B4GALT5: variants seen among roughly 807,000 people sequenced by gnomAD.
The protein encoded by B4GALT5 is beta-1,4-galactosyltransferase 5, also known as UDP-Gal:beta-GlcNAc beta-1,4-galactosyltransferase 5.
Under a neutral mutation model 45.0 loss-of-function variants are expected in B4GALT5, and 11 were observed. The observed-to-expected ratio is 0.24, with a 90% CI of 0.15 to 0.40. B4GALT5 has a LOEUF of 0.40. B4GALT5 is among the 10% of genes least tolerant of loss of function. The pLI, the probability that B4GALT5 is intolerant of heterozygous loss-of-function variation, is 1.00. For missense variants in B4GALT5, 337 were observed against 500.2 expected, an observed-to-expected ratio of 0.67 and a Z score of 3.11; for synonymous variants, 185 against 182.9, an observed-to-expected ratio of 1.01 and a Z score of -0.09.
chr20:49,698,255 GGA>G (rs778765744), intron 1 of B4GALT5, among the ~76,000 whole-genome samples: 26 of 152,070 alleles, frequency 1.7e-4, no homozygotes, highest in Non-Finnish European at 3.2e-4. Context: ...CCTGGAAAGT[GGA>G]GGTTGCAGTG....
chr20:49,664,746 A>T (rs1245690554), intron 1 of B4GALT5, among the ~76,000 whole-genome samples: 1 of 152,122 alleles, frequency 6.6e-6, no homozygotes, highest in African/African-American at 2.4e-5. Context: ...TTCTCAGGAG[A>T]TGTATATTGA....
chr20:49,686,044 T>TA (rs1418649924), intron 1 of B4GALT5, among the ~76,000 whole-genome samples: 3 of 152,134 alleles, frequency 2.0e-5, no homozygotes, highest in African/African-American at 4.8e-5. Context: ...GGGAGTACTA[T>TA]AAAAAAGCCA....
Position 49,647,064 on chromosome 20 carries a change from A to T in B4GALT5, c.265T>A (p.Leu89Met), listed in dbSNP as rs371066498. 3 of 1,613,124 alleles carry T rather than the reference A, an allele frequency of 1.9e-6. No individual in the cohort carries two copies. Among genetic ancestry groups the T allele is most frequent in the Non-Finnish European group, 2.5e-6 (3 of 1,179,218 alleles). ...TGCAGGAAGGTTTCACTGTGGTTCA[A>T]GTCAAGAGGATAATCTAGGGAGGTA... is the stretch of plus-strand genomic sequence containing the variant. ...SVNDSDYPLD[L>M]NHSETFLQTT... Residue 89 changes from leucine to methionine, a missense_variant, in exon 3 of 9, where the codon TTG becomes ATG. This residue lies in a region of B4GALT5 where 174 missense variants were observed against 207.4 expected (regional missense o/e 0.84). Transcript: ENST00000371711.
Position 49,685,476 on chromosome 20 carries a change from A to C in B4GALT5, c.115+28100T>G, listed in dbSNP as rs573086570. 2.8e-3 allele frequency among the ~76,000 whole-genome samples: 429 copies of C among 152,302 alleles called. 1 individual carries two copies. Among genetic ancestry groups the C allele is most frequent in the Non-Finnish European group, 4.6e-3 (316 of 68,012 alleles). ...GCAGGGGTAGCAACTGCTGAGCCTC[A>C]AAAGTCAGCCTCTGAGTAGCCACCC... On this transcript the variant is annotated intron_variant, in intron 1 of 8. Transcript: ENST00000371711.
Position 49,713,562 on chromosome 20 carries a change from A to C in B4GALT5, c.115+14T>G, listed in dbSNP as rs775735643. ...CAGAGCGGCAGCCGCCGCGGTCCCA[A>C]GCCCCCTTCCTACCTATGCCGGGCG... On this transcript the variant is annotated intron_variant, in intron 1 of 8. Transcript: ENST00000371711. 1 of 1,560,416 alleles carries C rather than the reference A, an allele frequency of 6.4e-7. No homozygotes were observed. The highest frequency in any genetic ancestry group is 1.2e-5 in the South Asian group (1 of 85,342).
chr20:49,703,030 C>T (rs1262089975), intron 1 of B4GALT5, among the ~76,000 whole-genome samples: 2 of 151,516 alleles, frequency 1.3e-5, no homozygotes, highest in African/African-American at 4.9e-5. Flanking sequence ...AAAAATTAGC[C>T]GGGCGTGGTG....
intron 3 of B4GALT5, among the ~76,000 whole-genome samples, chr20:49,646,268 G>A (rs1430253061): frequency 4.6e-5 from 7 of 152,154 alleles, no homozygotes; most frequent in Non-Finnish European, 2.9e-5. Flanking sequence ...AGTGTTCAGT[G>A]TTCATAAAGT....
At chr20:49,685,305 A>C (rs541283459) in intron 1 of B4GALT5, among the ~76,000 whole-genome samples, 1 of 152,356 alleles carries the variant, frequency 6.6e-6, no homozygotes, top group African/African-American at 2.4e-5. Flanking sequence ...CAGCAGGTGC[A>C]GTGGGTGCCT....
intron 1 of B4GALT5, among the ~76,000 whole-genome samples, chr20:49,668,499 A>C (rs567534036): frequency 1.7e-3 from 256 of 149,102 alleles, no homozygotes; most frequent in African/African-American, 6.1e-3. Context: ...ACATAACCTC[A>C]GTATAAGCTT....
chr20:49,686,885 C>T (rs147637763), intron 1 of B4GALT5, among the ~76,000 whole-genome samples: 2,194 of 151,646 alleles, frequency 0.014, 58 homozygotes, highest in African/African-American at 0.05. Context: ...GGTGACACAG[C>T]GAGACCCCAT....
At chr20:49,675,092 A>G (rs1257789836) in intron 1 of B4GALT5, among the ~76,000 whole-genome samples, 2 of 152,250 alleles carry the variant, frequency 1.3e-5, no homozygotes, top group Non-Finnish European at 2.9e-5. Context: ...AGGGGATAAG[A>G]GCAGGGGAGG....
At chr20:49,648,424 T>C (rs192123120) in intron 2 of B4GALT5, among the ~76,000 whole-genome samples, 1 of 152,342 alleles carries the variant, frequency 6.6e-6, no homozygotes, top group East Asian at 1.9e-4. Context: ...TGACTGCTTT[T>C]TAACAGCTTT....
At chr20:49,692,154 G>GTTT (rs148782228) in intron 1 of B4GALT5, among the ~76,000 whole-genome samples, 1 of 148,028 alleles carries the variant, frequency 6.8e-6, no homozygotes, top group African/African-American at 2.5e-5. Flanking sequence ...CTCACCTACT[G>GTTT]TTTTTTTTTT....
At chr20:49,680,568 C>T (rs968677389) in intron 1 of B4GALT5, among the ~76,000 whole-genome samples, 4 of 152,016 alleles carry the variant, frequency 2.6e-5, no homozygotes, top group East Asian at 1.9e-4. Context: ...TTCACAGACA[C>T]GGAAAGTAGA....
At chr20:49,702,922 T>C (rs1470886819) in intron 1 of B4GALT5, among the ~76,000 whole-genome samples, 1 of 151,654 alleles carries the variant, frequency 6.6e-6, no homozygotes, top group East Asian at 1.9e-4. Flanking sequence ...GCCTGTAATG[T>C]CAGCACTTTG....
intron 1 of B4GALT5, among the ~76,000 whole-genome samples, chr20:49,657,747 TC>T (rs1287064464): frequency 6.6e-6 from 1 of 152,250 alleles, no homozygotes; most frequent in Non-Finnish European, 1.5e-5. Flanking sequence ...GGATGTGGAT[TC>T]CGGCTCTTTG....
chr20:49,704,609 C>T (rs1256476847), intron 1 of B4GALT5, among the ~76,000 whole-genome samples: 2 of 150,564 alleles, frequency 1.3e-5, no homozygotes, highest in Admixed American at 6.6e-5. Context: ...GTCCCAGCTA[C>T]TTGGGAGGCT....
rs956557327 is a variant in B4GALT5 at position 49,636,480 on chromosome 20, G to C, written c.1020-21C>G. The C allele has an allele frequency of 2.5e-6, 4 of 1,613,668 alleles. No homozygotes were observed. In the Admixed American group the frequency reaches 6.7e-5, roughly 27 times the overall value. Reference sequence around the variant, plus strand: ...CATACCTGTTTAGGGAGGGAACAGAGAAGAGGTGGCTCTGAGTGAGGATCC... The same window carrying C: ...CATACCTGTTTAGGGAGGGAACAGACAAGAGGTGGCTCTGAGTGAGGATCC... On this transcript the variant is annotated intron_variant, in intron 8 of 8. Coordinates refer to ENST00000371711, the MANE Select transcript of B4GALT5 (RefSeq NM_004776.4).
At chr20:49,646,411 C>G (rs2085599399) in intron 3 of B4GALT5, among the ~76,000 whole-genome samples, 1 of 152,116 alleles carries the variant, frequency 6.6e-6, no homozygotes, top group Non-Finnish European at 1.5e-5. Context: ...ACAGCTGTAC[C>G]ATTTTTTATC....
Sources: gnomAD v4.1 joint callset for allele counts (sites outside exome capture counted in the v4.1 genomes callset) on GRCh38, gnomAD v4.1.1 for gene constraint, gnomAD v4.1.1 regional missense constraint, MANE v1.5 for transcripts, NCBI Gene and HGNC (gene_info 2026-07-23, HGNC 2026-07-21) for gene names.